GALNT17: variants seen among roughly 807,000 people sequenced by gnomAD.
GALNT17 encodes UDP-GalNAc:polypeptide N-acetylgalactosaminyltransferase-like 3.
Under a neutral mutation model 63.7 loss-of-function variants are expected in GALNT17, and 29 were observed. That is an observed-to-expected ratio of 0.46 (90% confidence interval 0.34 to 0.62). The LOEUF (loss-of-function observed/expected upper bound fraction) is 0.62, where lower values mean the gene tolerates loss of function less well. GALNT17 is among the 20% of genes least tolerant of loss of function. The pLI is 0.01. For synonymous variants in GALNT17, 305 were observed against 318.3 expected (o/e 0.96, Z 0.45); for missense variants, 603 against 799.6 (o/e 0.75, Z 2.97).
intron 5 of GALNT17, among the ~76,000 whole-genome samples, chr7:71,459,998 G>C (rs147402604): frequency 4.5e-4 from 68 of 152,240 alleles, no homozygotes; most frequent in African/African-American, 1.5e-3. Context: ...CCGCAGCTTC[G>C]AATTGTCCTG....
chr7:71,399,452 C>T (rs1370087642), intron 3 of GALNT17, among the ~76,000 whole-genome samples: 1 of 152,192 alleles, frequency 6.6e-6, no homozygotes, highest in East Asian at 1.9e-4. Flanking sequence ...TCATCTGTCA[C>T]ACATCTGTCA....
chr7:71,695,995 G>C (rs1456384283), intron 9 of GALNT17, among the ~76,000 whole-genome samples: 3 of 152,212 alleles, frequency 2.0e-5, no homozygotes, highest in African/African-American at 7.2e-5. Flanking sequence ...CCAGTCATAA[G>C]AAACCATTCT....
intron 1 of GALNT17, among the ~76,000 whole-genome samples, chr7:71,252,249 G>A (rs1357149463): frequency 6.6e-6 from 1 of 151,620 alleles, no homozygotes; most frequent in African/African-American, 2.4e-5. Context: ...AGATGAGGCC[G>A]GGTGCAGTGG....
At chr7:71,589,584 A>G (rs1789768773) in intron 6 of GALNT17, among the ~76,000 whole-genome samples, 1 of 152,160 alleles carries the variant, frequency 6.6e-6, no homozygotes, top group Non-Finnish European at 1.5e-5. Context: ...AAAAAAAAAA[A>G]AGAAAAAAGT....
intron 6 of GALNT17, among the ~76,000 whole-genome samples, chr7:71,624,465 C>T (rs1052613449): frequency 3.3e-5 from 5 of 152,086 alleles, no homozygotes; most frequent in African/African-American, 1.2e-4. Context: ...GGAAATTAAA[C>T]CTGGCCTTAT....
intron 1 of GALNT17, among the ~76,000 whole-genome samples, chr7:71,175,890 G>T (rs1012771714): frequency 1.3e-5 from 2 of 152,112 alleles, no homozygotes. Flanking sequence ...AACAGAGTGA[G>T]ACACTATCTC....
chr7:71,471,802 GT>G (rs1383488097), intron 5 of GALNT17, among the ~76,000 whole-genome samples: 3 of 152,130 alleles, frequency 2.0e-5, no homozygotes, highest in Non-Finnish European at 4.4e-5. Context: ...CAGTTTGCAT[GT>G]GTGTATTGGC....
At position 71,639,899 on chromosome 7, in the gene GALNT17, C is replaced by T. The variant is rs542740633; in HGVS notation, c.1081-25512C>T. 6.6e-5 allele frequency among the ~76,000 whole-genome samples: 10 copies of T among 152,184 alleles called. No individual in the cohort carries two copies. In the South Asian group the frequency reaches 1.7e-3, roughly 25 times the overall value. On this transcript the variant is annotated intron_variant, in intron 6 of 10. Transcript: ENST00000333538. ...AGAGGATGGTTGATTGCGGGAAGAT[C>T]GCAGCCCATGAATATATCTCCAGCA...
At chr7:71,314,747 A>G (rs961001578) in intron 1 of GALNT17, among the ~76,000 whole-genome samples, 2 of 152,162 alleles carry the variant, frequency 1.3e-5, no homozygotes, top group African/African-American at 4.8e-5. Context: ...ACAAGAAATT[A>G]AAAACAAATA....
intron 3 of GALNT17, among the ~76,000 whole-genome samples, chr7:71,412,525 A>C (rs1319348049): frequency 1.3e-5 from 2 of 152,036 alleles, no homozygotes; most frequent in Admixed American, 1.3e-4. Flanking sequence ...TATGCCCGCC[A>C]CCACACCCGG....
intron 9 of GALNT17, among the ~76,000 whole-genome samples, chr7:71,683,102 T>A (rs1791294977): frequency 6.6e-6 from 1 of 152,136 alleles, no homozygotes. Context: ...ATTGAGTTGA[T>A]TTAGAACGGC....
At chr7:71,348,914 C>T (rs1012827833) in intron 2 of GALNT17, among the ~76,000 whole-genome samples, 1 of 152,200 alleles carries the variant, frequency 6.6e-6, no homozygotes, top group African/African-American at 2.4e-5. Flanking sequence ...TTAAAACCAA[C>T]CCATCCTAAA....
At chr7:71,220,004 G>C (rs1376187895) in intron 1 of GALNT17, among the ~76,000 whole-genome samples, 1 of 152,198 alleles carries the variant, frequency 6.6e-6, no homozygotes, top group Non-Finnish European at 1.5e-5. Flanking sequence ...TCTCTGAAAA[G>C]TAATTTGGAG....
intron 1 of GALNT17, among the ~76,000 whole-genome samples, chr7:71,160,234 A>G (rs1176782765): frequency 6.6e-6 from 1 of 152,220 alleles, no homozygotes; most frequent in Non-Finnish European, 1.5e-5. Flanking sequence ...TATCTTTAAG[A>G]TCATACTCAT....
intron 9 of GALNT17, among the ~76,000 whole-genome samples, chr7:71,684,608 T>G (rs776465570): frequency 2.0e-5 from 3 of 152,170 alleles, no homozygotes; most frequent in Non-Finnish European, 4.4e-5. Context: ...TTTGGTGACA[T>G]GTTTAATCCT....
At chr7:71,357,245 G>C (rs1357947827) in intron 2 of GALNT17, among the ~76,000 whole-genome samples, 1 of 152,206 alleles carries the variant, frequency 6.6e-6, no homozygotes, top group Admixed American at 6.5e-5. Flanking sequence ...GTGAGTGGCA[G>C]GCAAGTGAGC....
At chr7:71,416,775 G>T (rs1394250357) in intron 4 of GALNT17, among the ~76,000 whole-genome samples, 1 of 152,142 alleles carries the variant, frequency 6.6e-6, no homozygotes, top group Non-Finnish European at 1.5e-5. Flanking sequence ...AAGAGATATA[G>T]TTATAATTCT....
intron 2 of GALNT17, among the ~76,000 whole-genome samples, chr7:71,381,706 G>C (rs1792850462): frequency 6.6e-6 from 1 of 152,174 alleles, no homozygotes; most frequent in Non-Finnish European, 1.5e-5. Flanking sequence ...TTGAACCTGG[G>C]AGGTGGAGGT....
chr7:71,172,045 T>G (rs1395409798), intron 1 of GALNT17, among the ~76,000 whole-genome samples: 1 of 152,118 alleles, frequency 6.6e-6, no homozygotes, highest in African/African-American at 2.4e-5. Flanking sequence ...AGAGGGATTT[T>G]ATGGAAGGGA....
Sources: gnomAD v4.1 joint callset for allele counts (sites outside exome capture counted in the v4.1 genomes callset) on GRCh38, gnomAD v4.1.1 for gene constraint, MANE v1.5 for transcripts, NCBI Gene and HGNC (gene_info 2026-07-23, HGNC 2026-07-21) for gene names.